The following CACNA1C variants were observed in gnomAD, a reference collection of about 807,000 sequenced individuals.
CACNA1C encodes the protein voltage-dependent L-type calcium channel subunit alpha-1C.
CACNA1C carries 30 observed loss-of-function variants against 229.0 expected under a neutral mutation model. The ratio of observed to expected loss-of-function variants is 0.13; its 90% CI spans 0.10 to 0.18. CACNA1C has a LOEUF of 0.18. Among genes scored for constraint, CACNA1C ranks in the 10% least tolerant of loss-of-function variants. The pLI is 1.00. For synonymous variants in CACNA1C, 1,114 were observed against 1,132.5 expected (o/e 0.98, Z 0.33); for missense variants, 1,658 against 2,845.0 (o/e 0.58, Z 9.49).
At chr12:2,376,495 G>A (rs1045845737) in intron 3 of CACNA1C, among the ~76,000 whole-genome samples, 1 of 152,194 alleles carries the variant, frequency 6.6e-6, no homozygotes, top group Non-Finnish European at 1.5e-5. Flanking sequence ...GCAAAGATGA[G>A]TGGGTGTTCG....
intron 37 of CACNA1C, among the ~76,000 whole-genome samples, chr12:2,668,192 G>A (rs957326896): frequency 1.1e-4 from 17 of 152,316 alleles, no homozygotes; most frequent in African/African-American, 3.1e-4. Context: ...GCGTACAGCC[G>A]GTCTTTGCTG....
chr12:2,677,507 C>A lies in CACNA1C; in HGVS notation c.4957-226C>A. 2 of 622,910 alleles carry A rather than the reference C, an allele frequency of 3.2e-6. No individual in the cohort carries two copies. The highest frequency in any genetic ancestry group is 5.6e-6 in the Non-Finnish European group (2 of 359,512). 38.6% of individuals were successfully genotyped at this position (622,910 alleles called of 1,614,324 possible). ...CCGTGACAGCCCCTGACCCCTGGTG[C>A]CCCGTCCTAATGAGCCTTCATCCCT... is the stretch of plus-strand genomic sequence containing the variant. On this transcript the variant is annotated intron_variant, in intron 40 of 46. Coordinates refer to ENST00000399655, the MANE Select transcript of CACNA1C (RefSeq NM_000719.7). This position sits in a 1 kb window ranked among gnomAD's most constrained non-coding sequence, Gnocchi z 7.4.
In CACNA1C at chr12:2,597,548, C is replaced by T. The variant is rs1333391490; in HGVS notation, c.2853+259C>T. 1.8e-6 allele frequency: 2 copies of T among 1,123,276 alleles called. No homozygotes were observed. The highest frequency in any genetic ancestry group is 2.7e-6 in the Non-Finnish European group (2 of 733,806). The allele number at this position is 1,123,276 out of a possible 1,614,324, so 69.6% of individuals were successfully genotyped here. ...CTGTCGCTTTCTTTGTCTATCTCTG[C>T]TCTGTGTGGCTGGATCTTTTGTCTT... On this transcript the variant is annotated intron_variant, in intron 21 of 46. Transcript: ENST00000399655. This position sits in a 1 kb window ranked among gnomAD's most constrained non-coding sequence, Gnocchi z 4.3.
Position 2,582,899 on chromosome 12 carries a change from G to C in CACNA1C, c.2181G>C (p.Met727Ile). ...ATGGCGGCCCCTCTTTTCCAGGGAT[G>C]TTAGTCTGTATTTACTTCATCATCC... ...MAYGGPSFPG[M>I]LVCIYFIILF... is the part of the protein sequence containing the mutation. Residue 727 changes from methionine to isoleucine, a missense_variant, in exon 15 of 47, where the codon ATG becomes ATC. Physicochemically the swap from Met to Ile is conservative, Grantham distance 10 (BLOSUM62 1). This residue lies in a region of CACNA1C where 30 missense variants were observed against 73.2 expected (regional missense o/e 0.41). Coordinates refer to ENST00000399655, the MANE Select transcript of CACNA1C (RefSeq NM_000719.7). The C allele has an allele frequency of 6.2e-7, 1 of 1,602,734 alleles. No individual in the cohort carries two copies.
At chr12:2,070,152 G>A (rs1487186938) in intron 1 of CACNA1C, among the ~76,000 whole-genome samples, 1 of 152,230 alleles carries the variant, frequency 6.6e-6, no homozygotes, top group African/African-American at 2.4e-5. Context: ...GAATGTCTTG[G>A]GGGTCGAGCG....
chr12:2,201,981 C>T (rs2097588797), intron 3 of CACNA1C, among the ~76,000 whole-genome samples: 1 of 152,220 alleles, frequency 6.6e-6, no homozygotes, highest in Non-Finnish European at 1.5e-5. Flanking sequence ...CCAACTTTAT[C>T]ATTTGTCTTC....
At chr12:2,161,211 T>A (rs1433931326) in intron 3 of CACNA1C, among the ~76,000 whole-genome samples, 2 of 152,170 alleles carry the variant, frequency 1.3e-5, no homozygotes. Context: ...TAATGATCAA[T>A]AACAGCTTAT....
Position 2,601,931 on chromosome 12 carries a change from C to T in CACNA1C, c.2931C>T (p.Val977=). 6.2e-7 allele frequency: 1 copy of T among 1,613,406 alleles called. No homozygotes were observed. Among genetic ancestry groups the T allele is most frequent in the Non-Finnish European group, 8.5e-7 (1 of 1,179,332 alleles). Residue 977 remains valine, a synonymous_variant, in exon 22 of 47, where the codon GTC becomes GTT. Coordinates refer to ENST00000399655, the MANE Select transcript of CACNA1C (RefSeq NM_000719.7). This position sits in a 1 kb window ranked among gnomAD's most constrained non-coding sequence, Gnocchi z 5.9. ...NYFNILDLLV[V]SVSLISFGIQ... Reference sequence around the variant, plus strand: ...TCAACATCCTGGACCTGCTGGTGGTCAGCGTGTCCCTCATCTCCTTTGGCA... The same window carrying T: ...TCAACATCCTGGACCTGCTGGTGGTTAGCGTGTCCCTCATCTCCTTTGGCA...
intron 6 of CACNA1C, among the ~76,000 whole-genome samples, chr12:2,487,297 T>C (rs1470337541): frequency 2.0e-5 from 3 of 151,582 alleles, no homozygotes; most frequent in East Asian, 3.9e-4. Flanking sequence ...ATTTTCTCCA[T>C]CGACACTGCA....
intron 1 of CACNA1C, among the ~76,000 whole-genome samples, chr12:2,045,918 T>A (rs916967238): frequency 3.3e-5 from 5 of 151,858 alleles, no homozygotes; most frequent in Admixed American, 2.6e-4. Context: ...CTAATTCCAA[T>A]GACAGGTGTC....
chr12:2,496,980 G>A (rs2099748063), intron 7 of CACNA1C, among the ~76,000 whole-genome samples: 1 of 152,202 alleles, frequency 6.6e-6, no homozygotes, highest in African/African-American at 2.4e-5. Flanking sequence ...TTCTTCAGAG[G>A]CAGTGAAGCA....
chr12:2,468,671 T>C (rs2099573387), intron 5 of CACNA1C, among the ~76,000 whole-genome samples: 1 of 152,244 alleles, frequency 6.6e-6, no homozygotes, highest in African/African-American at 2.4e-5. Flanking sequence ...GCCTTATTTA[T>C]GTTTCAAGAG....
At chr12:2,277,695 G>A (rs1377776621) in intron 3 of CACNA1C, among the ~76,000 whole-genome samples, 5 of 152,140 alleles carry the variant, frequency 3.3e-5, no homozygotes, top group Non-Finnish European at 7.4e-5. Flanking sequence ...GGCAACATCC[G>A]AAGGAGCTGA....
At chr12:1,987,991 C>A (rs1238568633) in intron 1 of CACNA1C, among the ~76,000 whole-genome samples, 6 of 152,134 alleles carry the variant, frequency 3.9e-5, no homozygotes, top group African/African-American at 1.4e-4. Flanking sequence ...TCTTGGATAC[C>A]ATTCCTGAAG....
Position 2,448,967 on chromosome 12 carries a change from G to A in CACNA1C, c.478-9G>A, listed in dbSNP as rs1339837769. 1 of 1,600,828 alleles carries A rather than the reference G, an allele frequency of 6.2e-7. No homozygotes were observed. The highest frequency in any genetic ancestry group is 2.2e-5 in the East Asian group (1 of 44,722). On this transcript the variant is annotated splice_polypyrimidine_tract_variant and intron_variant, in intron 3 of 46. Transcript: ENST00000399655. ...TTATTTTTCTCTCTTTTCTATTTCT[G>A]TTTCCTAGGAACGAGTGGAATATCT... is the stretch of plus-strand genomic sequence containing the variant.
At position 2,653,200 on chromosome 12, in the gene CACNA1C, ATAAGCCT is replaced by A. The variant is rs1201345902; in HGVS notation, c.4075-631_4075-625del. Among the ~76,000 whole-genome samples, 1 of 152,234 alleles carries A rather than the reference ATAAGCCT, an allele frequency of 6.6e-6. No individual in the cohort carries two copies. Among genetic ancestry groups the A allele is most frequent in the Non-Finnish European group, 1.5e-5 (1 of 68,040 alleles). On this transcript the variant is annotated intron_variant, in intron 32 of 46. Coordinates refer to ENST00000399655, the MANE Select transcript of CACNA1C (RefSeq NM_000719.7). This position sits in a 1 kb window ranked among gnomAD's most constrained non-coding sequence, Gnocchi z 4.7. ...TGCAAGGCATTGCACTAAGCACTTTATAAGCCTTAAATCTTTTCAACCACAAAACCGC... is the reference window on the plus strand; with the variant it reads ...TGCAAGGCATTGCACTAAGCACTTTATAAATCTTTTCAACCACAAAACCGC...
chr12:2,556,787 A>C (rs919869726), intron 10 of CACNA1C, among the ~76,000 whole-genome samples, 164 bp from the exon 11 acceptor site: 1 of 152,098 alleles, frequency 6.6e-6, no homozygotes, highest in African/African-American at 2.4e-5. Context: ...CAAATACATA[A>C]ATAGGGTTCT....
At position 2,644,906 on chromosome 12, in the gene CACNA1C, C is replaced by T. The variant is rs577710791; in HGVS notation, c.3913-3569C>T. On this transcript the variant is annotated intron_variant, in intron 30 of 46. Transcript: ENST00000399655. The stretch of plus-strand genomic sequence containing the variant: ...CATAAGCATATTGAAGGAAGGAAAT[C>T]GTCTTTCCTTTCTGTTTGCCCTGAG... Among the ~76,000 whole-genome samples the T allele has an allele frequency of 1.2e-3, 187 of 152,316 alleles. 1 individual carries two copies. Among genetic ancestry groups the T allele is most frequent in the African/African-American group, 4.4e-3 (181 of 41,566 alleles).
At chr12:2,187,758 G>T (rs2097089191) in intron 3 of CACNA1C, among the ~76,000 whole-genome samples, 1 of 152,250 alleles carries the variant, frequency 6.6e-6, no homozygotes, top group African/African-American at 2.4e-5. Flanking sequence ...TCCGGAGAAA[G>T]ATTACTAAGG....
Sources: gnomAD v4.1 joint callset for allele counts (sites outside exome capture counted in the v4.1 genomes callset) on GRCh38, gnomAD v4.1.1 for gene constraint, gnomAD v4.1.1 regional missense constraint, Gnocchi (gnomAD v3.1) non-coding constraint, MANE v1.5 for transcripts, NCBI Gene and HGNC (gene_info 2026-07-23, HGNC 2026-07-21) for gene names.